GPHN: variants seen among roughly 807,000 people sequenced by gnomAD.
GPHN encodes gephyrin.
In GPHN, 17 loss-of-function variants were observed where a neutral mutation model predicts 95.5. The observed-to-expected ratio is 0.18, with a 90% CI of 0.12 to 0.27. The LOEUF (loss-of-function observed/expected upper bound fraction) is 0.27, where lower values mean the gene tolerates loss of function less well. GPHN is among the 10% of genes least tolerant of loss of function. The pLI, the probability that GPHN is intolerant of heterozygous loss-of-function variation, is 1.00. For synonymous variants in GPHN, 320 were observed against 322.5 expected, an observed-to-expected ratio of 0.99 and a Z score of 0.08; for missense variants, 660 against 978.1, an observed-to-expected ratio of 0.67 and a Z score of 4.34.
At chr14:67,148,860 C>A (rs2081067300) in intron 18 of GPHN, among the ~76,000 whole-genome samples, 1 of 151,888 alleles carries the variant, frequency 6.6e-6, no homozygotes, top group South Asian at 2.1e-4. Context: ...GCCACCGCGC[C>A]CGGCCAGTTT....
the GPHN span, among the ~76,000 whole-genome samples, chr14:67,287,795 TGGC>T: frequency 6.6e-6 from 1 of 152,240 alleles, no homozygotes; most frequent in African/African-American, 2.4e-5. Flanking sequence ...AAAGGCTACA[TGGC>T]GTAGCAAAAT....
At chr14:67,564,224 A>G in the GPHN span, among the ~76,000 whole-genome samples, 1 of 151,756 alleles carries the variant, frequency 6.6e-6, no homozygotes, top group Non-Finnish European at 1.5e-5. Flanking sequence ...GCTAGTCTCA[A>G]AGTCCTGACC....
chr14:67,420,391 C>A, the GPHN span, among the ~76,000 whole-genome samples: 1 of 152,316 alleles, frequency 6.6e-6, no homozygotes, highest in Non-Finnish European at 1.5e-5. Flanking sequence ...GAGCTGTGAA[C>A]GAAGGGACGT....
chr14:66,707,699 G>C (rs574977494), intron 2 of GPHN, among the ~76,000 whole-genome samples: 3 of 151,974 alleles, frequency 2.0e-5, no homozygotes, highest in African/African-American at 7.2e-5. Context: ...CTTAAAGGAT[G>C]GGTCAATAGG....
At chr14:67,124,006 T>A (rs2079155273) in intron 17 of GPHN, among the ~76,000 whole-genome samples, 1 of 151,154 alleles carries the variant, frequency 6.6e-6, no homozygotes, top group South Asian at 2.1e-4. Context: ...TCTTTCCTCC[T>A]GATTTTTTTT....
At chr14:66,937,630 G>T (rs933954169) in intron 8 of GPHN, among the ~76,000 whole-genome samples, 1 of 151,438 alleles carries the variant, frequency 6.6e-6, no homozygotes, top group African/African-American at 2.4e-5. Context: ...CGGCTGCTTC[G>T]GCCTCCCAAA....
intron 9 of GPHN, chr14:66,985,734 T>A (rs2070984280): frequency 1.3e-6 from 2 of 1,521,466 alleles, no homozygotes; most frequent in Non-Finnish European, 8.8e-7. Flanking sequence ...GTTGGATCCC[T>A]CAAAGTAAAT....
Position 66,961,856 on chromosome 14 carries a change from G to T in GPHN, c.829-3335G>T, listed in dbSNP as rs1003566672. On this transcript the variant is annotated intron_variant, in intron 8 of 22. Transcript: ENST00000478722. ...TTAACCAACTTAGAAATTTTTTAAA[G>T]AAGGTATTCATACCCTATAACCAAC... 9.6e-5 allele frequency among the ~76,000 whole-genome samples: 13 copies of T among 134,858 alleles called. No individual in the cohort carries two copies. The Admixed American group carries it at 1.0e-3, about 11-fold the overall frequency. The allele number at this position is 134,858 out of a possible 152,430, so 88.5% of individuals were successfully genotyped here. A position where few individuals can be genotyped will look rare whatever the true frequency, so the allele number is the denominator to read the frequency against.
At chr14:66,512,241 G>A (rs778274885) in intron 1 of GPHN, among the ~76,000 whole-genome samples, 2 of 151,760 alleles carry the variant, frequency 1.3e-5, no homozygotes, top group African/African-American at 2.4e-5. Context: ...ACTATATCTG[G>A]AATATGTCAC....
chr14:67,293,615 T>TA, the GPHN span, among the ~76,000 whole-genome samples: 1 of 152,174 alleles, frequency 6.6e-6, no homozygotes, highest in Admixed American at 6.5e-5. Flanking sequence ...TTACTTTTCT[T>TA]ACGGAGATTG....
chr14:66,755,768 G>A (rs1279271477), intron 2 of GPHN, among the ~76,000 whole-genome samples: 5 of 152,002 alleles, frequency 3.3e-5, no homozygotes, highest in South Asian at 2.1e-4. Flanking sequence ...TATTTCAAGC[G>A]TGAGTCAGAA....
the GPHN span, among the ~76,000 whole-genome samples, chr14:67,626,868 T>C: frequency 0.4 from 60,536 of 152,118 alleles, 14,595 homozygotes; most frequent in African/African-American, 0.68. Context: ...CATATCCATA[T>C]AATGGAGTAT....
At chr14:67,725,451 C>T in the GPHN span, among the ~76,000 whole-genome samples, 6 of 152,206 alleles carry the variant, frequency 3.9e-5, no homozygotes, top group African/African-American at 1.2e-4. Flanking sequence ...ATCATCTTTT[C>T]GCCTCAGCAA....
chr14:67,392,446 C>T, the GPHN span: 2 of 1,567,718 alleles, frequency 1.3e-6, no homozygotes, highest in South Asian at 2.2e-5. Flanking sequence ...AAGGAGGGAG[C>T]AAGGACTCTG....
chr14:67,666,647 T>C, the GPHN span, among the ~76,000 whole-genome samples: 1 of 152,176 alleles, frequency 6.6e-6, no homozygotes, highest in Non-Finnish European at 1.5e-5. Flanking sequence ...ATGAAACCAA[T>C]GAATGCTAGA....
the GPHN span, among the ~76,000 whole-genome samples, chr14:67,225,968 C>CGT: frequency 2.5e-5 from 2 of 78,930 alleles, no homozygotes; most frequent in African/African-American, 4.0e-5. Context: ...TGTGTGCGCG[C>CGT]GCGCGCGTGC....
the GPHN span, chr14:67,383,218 G>A: frequency 2.3e-5 from 31 of 1,340,044 alleles, no homozygotes; most frequent in South Asian, 4.1e-4. Flanking sequence ...TGTTAGAAAA[G>A]TGTTAAAGAG....
intron 2 of GPHN, among the ~76,000 whole-genome samples, chr14:66,758,643 G>A (rs370263627): frequency 3.9e-5 from 6 of 152,210 alleles, no homozygotes; most frequent in African/African-American, 9.6e-5. Flanking sequence ...CAGGATAACT[G>A]GTGGCTGTAG....
intron 4 of GPHN, among the ~76,000 whole-genome samples, chr14:66,877,491 G>A (rs1256669298): frequency 6.6e-6 from 1 of 152,154 alleles, no homozygotes; most frequent in Admixed American, 6.6e-5. Flanking sequence ...AAACCCCATT[G>A]TCTCAGCCCA....
Sources: gnomAD v4.1 joint callset for allele counts (sites outside exome capture counted in the v4.1 genomes callset) on GRCh38, gnomAD v4.1.1 for gene constraint, MANE v1.5 for transcripts, NCBI Gene and HGNC (gene_info 2026-07-23, HGNC 2026-07-21) for gene names.